MCEE: variants seen among roughly 807,000 people sequenced by gnomAD.
MCEE encodes the protein methylmalonyl-CoA epimerase, mitochondrial.
In MCEE, 6 loss-of-function variants were observed where a neutral mutation model predicts 12.9. That is an observed-to-expected ratio of 0.47 (90% CI 0.26 to 0.92). MCEE has a LOEUF of 0.92. Among genes scored for constraint, MCEE ranks in the 40% least tolerant of loss-of-function variants. MCEE has a pLI of 0.16. For missense variants in MCEE, 214 were observed against 212.1 expected (o/e 1.01, Z -0.05); for synonymous variants, 78 against 77.9 (o/e 1.00, Z -0.01).
At position 71,119,164 on chromosome 2, in the gene MCEE, T is replaced by C. The variant is rs565975697; in HGVS notation, c.378+5042A>G. Among the ~76,000 whole-genome samples the C allele has an allele frequency of 2.7e-5, 4 of 150,596 alleles. No homozygotes were observed. The South Asian group carries it at 6.2e-4, about 23-fold the overall frequency. On this transcript the variant is annotated intron_variant, in intron 2 of 2. Transcript: ENST00000244217. ...TGGTAAGTAGAAAGAAATACAGTCA[T>C]GTGTCACTTGATGGGTACGAGTCCT...
At chr2:71,111,862 C>G (rs1231083345) in intron 2 of MCEE, among the ~76,000 whole-genome samples, 1 of 152,190 alleles carries the variant, frequency 6.6e-6, no homozygotes, top group African/African-American at 2.4e-5. Context: ...TGTTTACCCT[C>G]TCTCAGAAAT....
At chr2:71,115,890 A>G (rs940110235) in intron 2 of MCEE, among the ~76,000 whole-genome samples, 1 of 149,534 alleles carries the variant, frequency 6.7e-6, no homozygotes, top group South Asian at 2.1e-4. Flanking sequence ...GCAGCAAACC[A>G]CTATGGCACA....
At chr2:71,116,007 G>A (rs1176784767) in intron 2 of MCEE, among the ~76,000 whole-genome samples, 1 of 150,098 alleles carries the variant, frequency 6.7e-6, no homozygotes, top group Non-Finnish European at 1.5e-5. Context: ...TGCTTTTATA[G>A]TCCTTCAAAC....
At chr2:71,122,608 TCC>T (rs1281095246) in intron 2 of MCEE, among the ~76,000 whole-genome samples, 2 of 151,922 alleles carry the variant, frequency 1.3e-5, no homozygotes, top group Admixed American at 6.6e-5. Context: ...GCAGGGAAAA[TCC>T]CCCTTATAAA....
In MCEE at chr2:71,109,737, A is replaced by G. The variant is rs1209361890; in HGVS notation, c.*233T>C. On this transcript the variant is annotated 3_prime_UTR_variant, in exon 3 of 3. Transcript: ENST00000244217. ...ATGATTTTAATAATGTTCCCTAAGT[A>G]ATTAGTAATCAAGATTTTCTTCAAA... 1 of 295,960 alleles carries G rather than the reference A, an allele frequency of 3.4e-6. No homozygotes were observed. Among genetic ancestry groups the G allele is most frequent in the East Asian group, 7.1e-5 (1 of 14,090 alleles). 18.3% of individuals were successfully genotyped at this position (295,960 alleles called of 1,614,324 possible). A position where few individuals can be genotyped will look rare whatever the true frequency, so the allele number is the denominator to read the frequency against.
At chr2:71,114,731 T>C (rs1168702837) in intron 2 of MCEE, among the ~76,000 whole-genome samples, 2 of 152,246 alleles carry the variant, frequency 1.3e-5, no homozygotes, top group Non-Finnish European at 2.9e-5. Context: ...GTGGTTATTT[T>C]TGTATTTCTT....
At chr2:71,114,521 AT>A (rs1009507307) in intron 2 of MCEE, among the ~76,000 whole-genome samples, 2 of 152,192 alleles carry the variant, frequency 1.3e-5, no homozygotes, top group Admixed American at 1.3e-4. Context: ...GATGTTCATA[AT>A]TTTTTTAAAG....
chr2:71,124,382 T>A lies in MCEE; in HGVS notation c.202A>T (p.Ile68Phe). 2 of 1,614,212 alleles carry A rather than the reference T, an allele frequency of 1.2e-6. No homozygotes were observed. The highest frequency in any genetic ancestry group is 1.7e-6 in the Non-Finnish European group (2 of 1,180,044). Residue 68 changes from isoleucine to phenylalanine, a missense_variant, in exon 2 of 3, where the codon ATT (isoleucine) becomes TTT (phenylalanine). Ile to Phe is a conservative substitution (Grantham distance 21, BLOSUM62 0). Coordinates refer to ENST00000244217, the MANE Select transcript of MCEE (RefSeq NM_032601.4). ...LEKAAAFYKNILGAQVSEAVP... is the reference protein window; with the variant it reads ...LEKAAAFYKNFLGAQVSEAVP... ...GCTTCACTTACCTGGGCCCCCAGAA[T>A]ATTCTTATAAAATGCTGCAGCCTTT...
intron 2 of MCEE, chr2:71,116,656 C>T (rs1673002376): frequency 6.7e-6 from 1 of 149,564 alleles, no homozygotes; most frequent in African/African-American, 2.6e-5. Flanking sequence ...AAGGAATTCT[C>T]CTGCCTCGGC....
chr2:71,129,307 T>G (rs1188637934), intron 1 of MCEE, among the ~76,000 whole-genome samples: 1 of 152,188 alleles, frequency 6.6e-6, no homozygotes, highest in Non-Finnish European at 1.5e-5. Flanking sequence ...ATTTATAGTT[T>G]TACGTTCCTA....
intron 1 of MCEE, among the ~76,000 whole-genome samples, chr2:71,125,211 A>ATATATATATATTTTT: frequency 6.2e-5 from 3 of 48,610 alleles, no homozygotes; most frequent in Non-Finnish European, 1.3e-4. Flanking sequence ...ATATATATAT[A>ATATATATATATTTTT]TTTTTTTTTT....
At chr2:71,127,962 G>T (rs753696302) in intron 1 of MCEE, among the ~76,000 whole-genome samples, 20 of 152,170 alleles carry the variant, frequency 1.3e-4, no homozygotes, top group Non-Finnish European at 2.5e-4. Context: ...TATCTGGTTT[G>T]AGGAAACATA....
chr2:71,110,148 A>G (rs966658723), intron 2 of MCEE, 26 bp from the exon 3 acceptor site: 2 of 1,603,382 alleles, frequency 1.2e-6, no homozygotes, highest in Admixed American at 3.3e-5. Context: ...TAAATTGAAC[A>G]CATTTGAGAT....
At chr2:71,127,632 T>C in intron 1 of MCEE, among the ~76,000 whole-genome samples, 1 of 115,286 alleles carries the variant, frequency 8.7e-6, no homozygotes. Context: ...CGTAATAAGT[T>C]TGTTTGTTTT....
At chr2:71,123,709 G>A (rs950570974) in intron 2 of MCEE, among the ~76,000 whole-genome samples, 1 of 152,078 alleles carries the variant, frequency 6.6e-6, no homozygotes, top group East Asian at 1.9e-4. Context: ...ATTGTTGGCA[G>A]GTGCAATTCA....
At chr2:71,130,074 G>A (rs990004684) in intron 1 of MCEE, 106 bp downstream of exon 1, 13 of 1,145,866 alleles carry the variant, frequency 1.1e-5, no homozygotes, top group Middle Eastern at 3.9e-4. Flanking sequence ...CCCGGGGGAG[G>A]ACATTAGATC....
intron 1 of MCEE, among the ~76,000 whole-genome samples, chr2:71,128,288 G>A (rs1673281769): frequency 6.6e-6 from 1 of 151,964 alleles, no homozygotes. Flanking sequence ...GTTTTTCGGC[G>A]AAGTTTTATG....
intron 1 of MCEE, among the ~76,000 whole-genome samples, chr2:71,128,069 T>C (rs1673276831): frequency 6.6e-6 from 1 of 151,634 alleles, no homozygotes; most frequent in Non-Finnish European, 1.5e-5. Context: ...ACCATATATA[T>C]ATCTTCAACT....
chr2:71,114,095 A>G (rs1162684094), intron 2 of MCEE, among the ~76,000 whole-genome samples: 1 of 152,166 alleles, frequency 6.6e-6, no homozygotes, highest in Non-Finnish European at 1.5e-5. Context: ...TAGAAAACAA[A>G]ACAAAACAAA....
Sources: gnomAD v4.1 joint callset for allele counts (sites outside exome capture counted in the v4.1 genomes callset) on GRCh38, gnomAD v4.1.1 for gene constraint, MANE v1.5 for transcripts, NCBI Gene and HGNC (gene_info 2026-07-23, HGNC 2026-07-21) for gene names.